The following SNX13 variants were observed in gnomAD, a reference collection of about 807,000 sequenced individuals.
The protein encoded by SNX13 is sorting nexin-13.
A neutral mutation model predicts 133.6 loss-of-function variants in SNX13; 45 were observed. The observed-to-expected ratio is 0.34, with a 90% confidence interval of 0.27 to 0.43. SNX13 has a LOEUF of 0.43. SNX13 is among the 20% of genes least tolerant of loss of function. The probability of loss-of-function intolerance (pLI) is 1.00; values close to 1 mark genes in which losing one functional copy is unlikely to be tolerated. For synonymous variants in SNX13, 414 were observed against 373.9 expected (o/e 1.11, Z -1.24); for missense variants, 1,032 against 1,145.1 (o/e 0.90, Z 1.43).
chr7:17,854,464 T>G (rs1452892277), intron 9 of SNX13, among the ~76,000 whole-genome samples: 1 of 152,208 alleles, frequency 6.6e-6, no homozygotes, highest in African/African-American at 2.4e-5. Context: ...CATCACACTG[T>G]GTTTTTTTTA....
chr7:17,797,055 C>A, intron 24 of SNX13, 116 bp from the exon 25 acceptor site: 1 of 779,564 alleles, frequency 1.3e-6, no homozygotes, highest in South Asian at 1.7e-5. Flanking sequence ...AGAAAAGTTT[C>A]TGAATAATAA....
rs766999622 is a variant in SNX13 at position 17,893,369 on chromosome 7, T to A, written c.191A>T (p.His64Leu). The part of the protein sequence containing the change: ...NSEKYLEQCE[H>L]SFLPPTSPGV... The stretch of plus-strand genomic sequence containing the variant: ...AGGTGATGTTGGAGGAAGAAATGAG[T>A]GTTCACACTGTTCTAGGTACTTCTC... Residue 64 changes from histidine (H) to leucine (L), a missense_variant, in exon 3 of 26, where the codon CAC (histidine) becomes CTC (leucine). Coordinates refer to ENST00000428135, the MANE Select transcript of SNX13 (RefSeq NM_015132.5). 1.3e-6 allele frequency: 2 copies of A among 1,577,456 alleles called. No homozygotes were observed. Among genetic ancestry groups the A allele is most frequent in the South Asian group, 2.3e-5 (2 of 85,818 alleles).
intron 9 of SNX13, among the ~76,000 whole-genome samples, chr7:17,863,788 C>A (rs1046544228): frequency 1.3e-5 from 2 of 152,250 alleles, no homozygotes; most frequent in Non-Finnish European, 2.9e-5. Context: ...GTGTCCATGT[C>A]ACTGTTTCCC....
rs12666276 is a variant in SNX13, at chr7:17,914,650, A to T, written c.13-17204T>A. Among the ~76,000 whole-genome samples the T allele has an allele frequency of 1.8e-3, 281 of 152,344 alleles. 5 individuals are homozygous for T. The East Asian group carries it at 0.044, about 24-fold the overall frequency. On this transcript the variant is annotated intron_variant, in intron 1 of 25. Transcript: ENST00000428135. The stretch of plus-strand genomic sequence containing the variant: ...AACTAAGCTTCATAAGTGAACAAGA[A>T]ATAAAGTCCTTCCCAGACAGTCACT...
intron 5 of SNX13, chr7:17,881,190 T>C (rs558783692): frequency 6.6e-6 from 1 of 151,954 alleles, no homozygotes; most frequent in Non-Finnish European, 1.5e-5. Context: ...TGGTAGAGTA[T>C]ACTATATACT....
rs35670311 is a variant in SNX13, at chr7:17,851,761, G to GT, written c.838-798dup. Among the ~76,000 whole-genome samples, 624 of 151,694 alleles carry GT rather than the reference G, an allele frequency of 4.1e-3. 7 individuals are homozygous for GT. The highest frequency in any genetic ancestry group is 4.5e-3 in the Non-Finnish European group (305 of 67,916). ...CGGGGAGGCAAAATATTATGAGGGT[G>GT]TTTTTGGCAAAATTAAGTGTGAGAT... On this transcript the variant is annotated intron_variant, in intron 9 of 25. Coordinates refer to ENST00000428135, the MANE Select transcript of SNX13 (RefSeq NM_015132.5).
intron 11 of SNX13, among the ~76,000 whole-genome samples, chr7:17,849,634 C>T (rs1298009845): frequency 6.6e-6 from 1 of 152,196 alleles, no homozygotes; most frequent in Admixed American, 6.5e-5. Context: ...CCCCCCGGTT[C>T]TTCTATGACT....
At chr7:17,857,653 G>A (rs1048580924) in intron 9 of SNX13, among the ~76,000 whole-genome samples, 1 of 151,956 alleles carries the variant, frequency 6.6e-6, no homozygotes, top group Non-Finnish European at 1.5e-5. Flanking sequence ...GCATGCTGGC[G>A]GGCATCTGTA....
intron 23 of SNX13, 71 bp from the exon 24 acceptor site, chr7:17,798,829 T>C (rs1410196467): frequency 3.9e-6 from 5 of 1,276,188 alleles, no homozygotes; most frequent in Non-Finnish European, 4.4e-6. Flanking sequence ...GTGACTTTCA[T>C]AGAGCAAGCA....
intron 20 of SNX13, among the ~76,000 whole-genome samples, chr7:17,806,093 C>T (rs1006120316): frequency 6.6e-6 from 1 of 152,170 alleles, no homozygotes; most frequent in African/African-American, 2.4e-5. Context: ...GCTGTCCTTA[C>T]ACAGATGCTG....
At chr7:17,813,996 T>C (rs989445873) in intron 20 of SNX13, among the ~76,000 whole-genome samples, 1 of 152,170 alleles carries the variant, frequency 6.6e-6, no homozygotes, top group Non-Finnish European at 1.5e-5. Flanking sequence ...CCTTGTTCTT[T>C]TTACATTTTC....
chr7:17,793,583 A>C lies in SNX13; in HGVS notation c.*462T>G, dbSNP rs1268910916. ...TCACCTGGCTAATCCACAATATATCAAAATGCTGACAGACCTACAAAATCA... is the reference window on the plus strand; with the variant it reads ...TCACCTGGCTAATCCACAATATATCCAAATGCTGACAGACCTACAAAATCA... On this transcript the variant is annotated 3_prime_UTR_variant, in exon 26 of 26. Transcript: ENST00000428135. 3 of 153,488 alleles carry C rather than the reference A, an allele frequency of 2.0e-5. No individual in the cohort carries two copies. Among genetic ancestry groups the C allele is most frequent in the Admixed American group, 6.5e-5 (1 of 15,440 alleles). 9.5% of individuals were successfully genotyped at this position (153,488 alleles called of 1,614,324 possible). A position where few individuals can be genotyped will look rare whatever the true frequency, so the allele number is the denominator to read the frequency against.
chr7:17,938,030 T>C (rs935525997), intron 1 of SNX13, among the ~76,000 whole-genome samples: 1 of 152,182 alleles, frequency 6.6e-6, no homozygotes, highest in Non-Finnish European at 1.5e-5. Flanking sequence ...AAGTCAGCAA[T>C]GTCTAGCAGA....
chr7:17,863,672 C>A (rs1793015447), intron 9 of SNX13, among the ~76,000 whole-genome samples: 1 of 152,172 alleles, frequency 6.6e-6, no homozygotes, highest in Non-Finnish European at 1.5e-5. Context: ...ATAGCAGCAG[C>A]AGCCAGGCAG....
chr7:17,880,007 T>C (rs1209909590), intron 5 of SNX13: 1 of 152,192 alleles, frequency 6.6e-6, no homozygotes, highest in Non-Finnish European at 1.5e-5. Flanking sequence ...GTAGGTAAAT[T>C]TAAACATTCG....
At chr7:17,806,582 G>A (rs1180539762) in intron 20 of SNX13, among the ~76,000 whole-genome samples, 1 of 152,098 alleles carries the variant, frequency 6.6e-6, no homozygotes, top group Non-Finnish European at 1.5e-5. Flanking sequence ...TATGAAAAAT[G>A]TGTGTTATTG....
intron 1 of SNX13, among the ~76,000 whole-genome samples, chr7:17,911,384 A>C (rs1798961207): frequency 6.6e-6 from 1 of 152,210 alleles, no homozygotes; most frequent in Non-Finnish European, 1.5e-5. Context: ...CATGCCTATA[A>C]TCCCAGAACT....
At chr7:17,801,686 T>G (rs1427245648) in intron 21 of SNX13, 27 bp from the exon 22 acceptor site, 4 of 1,527,054 alleles carry the variant, frequency 2.6e-6, no homozygotes, top group Non-Finnish European at 3.6e-6. Context: ...ATCCACAAAG[T>G]AAACACACTA....
intron 9 of SNX13, among the ~76,000 whole-genome samples, chr7:17,852,734 A>G (rs138837280): frequency 4.6e-5 from 7 of 152,338 alleles, no homozygotes; most frequent in Admixed American, 4.6e-4. Flanking sequence ...GATCATATAA[A>G]GAGTGAAAAT....
Sources: gnomAD v4.1 joint callset for allele counts (sites outside exome capture counted in the v4.1 genomes callset) on GRCh38, gnomAD v4.1.1 for gene constraint, MANE v1.5 for transcripts, NCBI Gene and HGNC (gene_info 2026-07-23, HGNC 2026-07-21) for gene names.